The following CCDC117 variants were observed in gnomAD, a reference collection of about 807,000 sequenced individuals.
CCDC117 encodes coiled-coil domain-containing protein 117.
Under a neutral mutation model 23.5 loss-of-function variants are expected in CCDC117, and 1 was observed. That is an observed-to-expected ratio of 0.04 (90% CI 0.02 to 0.20). The LOEUF (loss-of-function observed/expected upper bound fraction) is 0.20. Ranked by LOEUF, CCDC117 falls within the 10% of genes least tolerant of loss-of-function variation. The pLI, the probability that CCDC117 is intolerant of heterozygous loss-of-function variation, is 1.00. For synonymous variants in CCDC117, 132 were observed against 124.8 expected (o/e 1.06, Z -0.39); for missense variants, 383 against 348.2 (o/e 1.10, Z -0.80).
rs1275833072 is a variant in CCDC117, at chr22:28,787,261, T to G, written c.*935T>G. On this transcript the variant is annotated 3_prime_UTR_variant, in exon 5 of 5. Transcript: ENST00000249064. ...TTCAAGCAATTCTCCTGCCTCACCC[T>G]CCCAAGTAGCTGGGATTACAGGTGC... The G allele has an allele frequency of 2.6e-5, 4 of 151,684 alleles. No individual in the cohort carries two copies. Among genetic ancestry groups the G allele is most frequent in the African/African-American group, 9.7e-5 (4 of 41,248 alleles). 9.4% of individuals were successfully genotyped at this position (151,684 alleles called of 1,614,324 possible).
rs113891285 is a variant in CCDC117 at position 28,781,594 on chromosome 22, G to A, written c.464+422G>A. 3.7e-5 allele frequency among the ~76,000 whole-genome samples: 2 copies of A among 53,922 alleles called. 1 individual carries two copies. Among genetic ancestry groups the A allele is most frequent in the African/African-American group, 3.9e-4 (2 of 5,194 alleles). The allele number at this position is 53,922 out of a possible 152,430, so 35.4% of individuals were successfully genotyped here. ...TCTCGATCTCTTGACCTCGTGATCC[G>A]CCCGCCTCGGCCTCCCAAAGTGCTG... On this transcript the variant is annotated intron_variant, in intron 3 of 4. Coordinates refer to ENST00000249064, the MANE Select transcript of CCDC117 (RefSeq NM_173510.4).
chr22:28,780,630 T>C lies in CCDC117; in HGVS notation c.240-318T>C, dbSNP rs1404758193. Among the ~76,000 whole-genome samples, 6 of 152,290 alleles carry C rather than the reference T, an allele frequency of 3.9e-5. No individual in the cohort carries two copies. The South Asian group carries it at 1.0e-3, about 26-fold the overall frequency. On this transcript the variant is annotated intron_variant, in intron 2 of 4. Coordinates refer to ENST00000249064, the MANE Select transcript of CCDC117 (RefSeq NM_173510.4). ...GTGAGCCACCACACCTAGCCAACTT[T>C]TGGTTTCTTTACTTCCCACTTGACC...
At position 28,786,904 on chromosome 22, in the gene CCDC117, T is replaced by C. The variant is rs1163573334; in HGVS notation, c.*578T>C. The stretch of plus-strand genomic sequence containing the variant: ...CTGTTGATTAAATAGCCGATAGTAT[T>C]GTGGCTCTCCTCTTTGACTATGAAA... On this transcript the variant is annotated 3_prime_UTR_variant, in exon 5 of 5. Transcript: ENST00000249064. 6.5e-6 allele frequency: 1 copy of C among 152,694 alleles called. No individual in the cohort carries two copies. The highest frequency in any genetic ancestry group is 2.4e-5 in the African/African-American group (1 of 41,456). The allele number at this position is 152,694 out of a possible 1,614,324, so 9.5% of individuals were successfully genotyped here.
chr22:28,786,045 A>G (rs767124392), intron 4 of CCDC117, 44 bp from the exon 5 acceptor site: 1 of 1,437,530 alleles, frequency 7.0e-7, no homozygotes, highest in Non-Finnish European at 9.5e-7. Context: ...TTTTGTTTTC[A>G]TGTCCTAAAA....
rs545292785 is a variant in CCDC117, at chr22:28,773,271, G to C, written c.185+237G>C. ...GCCCAGGAGTCCGGTCCGAACCTCA[G>C]CTCGACTGCGGCCCGGAGAAGTGAG... On this transcript the variant is annotated intron_variant, in intron 1 of 4. Coordinates refer to ENST00000249064, the MANE Select transcript of CCDC117 (RefSeq NM_173510.4). 39 of 165,992 alleles carry C rather than the reference G, an allele frequency of 2.3e-4. 1 individual carries two copies. The highest frequency in any genetic ancestry group is 5.2e-4 in the South Asian group (3 of 5,720). The allele number at this position is 165,992 out of a possible 1,614,324, so 10.3% of individuals were successfully genotyped here.
chr22:28,776,486 A>G (rs1325378455), intron 2 of CCDC117, among the ~76,000 whole-genome samples: 3 of 151,156 alleles, frequency 2.0e-5, no homozygotes, highest in South Asian at 4.2e-4. Context: ...GCAGTAGCGC[A>G]GGCTCAGCTC....
chr22:28,786,201 C>T lies in CCDC117; in HGVS notation c.715C>T (p.His239Tyr), dbSNP rs1178311234. ...KNYTGESQAK[H>Y]VAAGTAFPQR... The stretch of plus-strand genomic sequence containing the variant: ...CTATACAGGAGAGAGCCAAGCTAAG[C>T]ATGTAGCTGCTGGCACTGCCTTCCC... The change falls in exon 5 of 5, where the codon CAT becomes TAT. Residue 239 changes from histidine to tyrosine, a missense_variant. Physicochemically the swap from His to Tyr is moderately conservative, Grantham distance 83. Coordinates refer to ENST00000249064, the MANE Select transcript of CCDC117 (RefSeq NM_173510.4). 2 of 1,613,940 alleles carry T rather than the reference C, an allele frequency of 1.2e-6. No individual in the cohort carries two copies. The highest frequency in any genetic ancestry group is 1.3e-5 in the African/African-American group (1 of 74,910).
At position 28,786,686 on chromosome 22, in the gene CCDC117, G is replaced by T; in HGVS notation, c.*360G>T. The T allele has an allele frequency of 5.1e-6, 1 of 195,254 alleles. No individual in the cohort carries two copies. Among genetic ancestry groups the T allele is most frequent in the Non-Finnish European group, 1.1e-5 (1 of 92,982 alleles). 12.1% of individuals were successfully genotyped at this position (195,254 alleles called of 1,614,324 possible). On this transcript the variant is annotated 3_prime_UTR_variant, in exon 5 of 5. Transcript: ENST00000249064. ...ATATTCTCCTTGAATTAAAAAAGAT[G>T]ATTAAGAAGGATGCTCCTACAACTG... is the stretch of plus-strand genomic sequence containing the variant.
intron 2 of CCDC117, among the ~76,000 whole-genome samples, chr22:28,774,359 G>A (rs1601419199): frequency 6.7e-6 from 1 of 149,692 alleles, no homozygotes; most frequent in African/African-American, 2.5e-5. Flanking sequence ...GAGCCGCCCC[G>A]GCCTGAAAAG....
rs1018441385 is a variant in CCDC117 at position 28,785,226 on chromosome 22, T to C, written c.603-863T>C. On this transcript the variant is annotated intron_variant, in intron 4 of 4. Coordinates refer to ENST00000249064, the MANE Select transcript of CCDC117 (RefSeq NM_173510.4). ...TGTTTTGAGACAGGGTCTCACTCTG[T>C]CACCCAGGCTGGAGTGTAGTGGCAT... Among the ~76,000 whole-genome samples, 16 of 152,062 alleles carry C rather than the reference T, an allele frequency of 1.1e-4. 1 individual carries two copies. The South Asian group carries it at 3.3e-3, about 31-fold the overall frequency.
At chr22:28,779,467 A>G (rs763935652) in intron 2 of CCDC117, among the ~76,000 whole-genome samples, 7 of 152,130 alleles carry the variant, frequency 4.6e-5, no homozygotes, top group Admixed American at 1.3e-4. Context: ...CGGCCTCCCA[A>G]AGTGCTGGGA....
chr22:28,783,714 C>G (rs759257197), intron 4 of CCDC117, 69 bp downstream of exon 4: 26 of 1,430,862 alleles, frequency 1.8e-5, no homozygotes, highest in Non-Finnish European at 2.5e-5. Context: ...TAGATTCTGC[C>G]CACCCTGTCC....
At chr22:28,781,948 CCT>C (rs1491298212) in intron 3 of CCDC117, among the ~76,000 whole-genome samples, 134 of 147,988 alleles carry the variant, frequency 9.1e-4, no homozygotes, top group African/African-American at 3.2e-3. Context: ...CAGCCCCCCC[CCT>C]TTTTTTTTTT....
At chr22:28,773,066 C>G in intron 1 of CCDC117, 32 bp downstream of exon 1, 54 of 63,644 alleles carry the variant, frequency 8.5e-4, no homozygotes, top group Non-Finnish European at 1.3e-3. Flanking sequence ...GGGCGCAGGG[C>G]GGGCGGGCGG....
chr22:28,783,991 A>G (rs959934149), intron 4 of CCDC117, among the ~76,000 whole-genome samples: 3 of 152,226 alleles, frequency 2.0e-5, no homozygotes, highest in African/African-American at 7.2e-5. Context: ...CTGGCTTTCT[A>G]AGTGACCCAG....
intron 4 of CCDC117, 83 bp from the exon 5 acceptor site, chr22:28,786,006 T>C: frequency 1.2e-6 from 1 of 859,994 alleles, no homozygotes; most frequent in Non-Finnish European, 1.9e-6. Context: ...CTTAAGATAC[T>C]AGGTAATGTT....
rs142744272 is a variant in CCDC117 at position 28,777,000 on chromosome 22, G to A, written c.239+3222G>A. Among the ~76,000 whole-genome samples, 1,434 of 150,796 alleles carry A rather than the reference G, an allele frequency of 9.5e-3. 18 individuals are homozygous for A. Among genetic ancestry groups the A allele is most frequent in the African/African-American group, 0.033 (1,369 of 41,096 alleles). On this transcript the variant is annotated intron_variant, in intron 2 of 4. Coordinates refer to ENST00000249064, the MANE Select transcript of CCDC117 (RefSeq NM_173510.4). ...CTTCCAAAGTGCTAGGATTACAGGC[G>A]TGAGCTACTGTGCCTGGCCAGTATA...
chr22:28,773,653 C>A, intron 1 of CCDC117, 72 bp from the exon 2 acceptor site: 1 of 1,248,482 alleles, frequency 8.0e-7, no homozygotes, highest in Non-Finnish European at 1.2e-6. Flanking sequence ...ATTATTGGAG[C>A]AAGAAAGAGG....
rs1188075602 is a variant in CCDC117 at position 28,786,342 on chromosome 22, C to T, written c.*16C>T. The T allele has an allele frequency of 1.9e-6, 3 of 1,552,366 alleles. No homozygotes were observed. The highest frequency in any genetic ancestry group is 2.2e-5 in the East Asian group (1 of 44,588). ...GGAACTCTAGAAACCAATTTCTACA[C>T]TAAAGTTGTCAAATGTTAGAAGAAT... On this transcript the variant is annotated 3_prime_UTR_variant, in exon 5 of 5. Coordinates refer to ENST00000249064, the MANE Select transcript of CCDC117 (RefSeq NM_173510.4).
Sources: allele counts gnomAD v4.1 joint callset (sites outside exome capture counted in the v4.1 genomes callset), GRCh38; gene constraint gnomAD v4.1.1; transcripts MANE v1.5; gene names NCBI Gene and HGNC (gene_info 2026-07-23, HGNC 2026-07-21).